INPP4A: variants seen among roughly 807,000 people sequenced by gnomAD.
The protein encoded by INPP4A is inositol polyphosphate-4-phosphatase type I A, also known as inositol polyphosphate-4-phosphatase, type I, 107kD.
In INPP4A, 33 loss-of-function variants were observed where a neutral mutation model predicts 119.8. The ratio of observed to expected loss-of-function variants is 0.28; its 90% CI spans 0.21 to 0.37. INPP4A has a LOEUF of 0.37. Ranked by LOEUF, INPP4A falls within the 10% of genes least tolerant of loss-of-function variation. INPP4A has a pLI of 1.00. For missense variants in INPP4A, 956 were observed against 1,289.9 expected (o/e 0.74, Z 3.97); for synonymous variants, 496 against 500.7 (o/e 0.99, Z 0.12).
intron 1 of INPP4A, among the ~76,000 whole-genome samples, chr2:98,459,033 G>T (rs1440264317): frequency 1.3e-5 from 2 of 152,254 alleles, no homozygotes; most frequent in African/African-American, 4.8e-5. Context: ...TTTGCCACCA[G>T]TGTGATTGGA....
chr2:98,570,159 C>T lies in INPP4A; in HGVS notation c.2518+1491C>T, dbSNP rs530441868. Among the ~76,000 whole-genome samples the T allele has an allele frequency of 7.2e-5, 11 of 152,098 alleles. No homozygotes were observed. The highest frequency in any genetic ancestry group is 1.2e-4 in the African/African-American group (5 of 41,416). On this transcript the variant is annotated intron_variant, in intron 22 of 24. Coordinates refer to ENST00000409851, the MANE Select transcript of INPP4A (RefSeq NM_001134225.2). The surrounding 1 kb of genome is among the most constrained non-coding windows in gnomAD (Gnocchi z 4.3). Reference sequence around the variant, plus strand: ...AGAGAGGCGCAGGGCTACAGGGGACCGACAGCGAGTGCAGCACTGGCCCCA... The same window carrying T: ...AGAGAGGCGCAGGGCTACAGGGGACTGACAGCGAGTGCAGCACTGGCCCCA...
At chr2:98,463,821 C>G (rs1226580888) in intron 1 of INPP4A, among the ~76,000 whole-genome samples, 1 of 152,166 alleles carries the variant, frequency 6.6e-6, no homozygotes, top group Non-Finnish European at 1.5e-5. Flanking sequence ...GCTGTTAGCC[C>G]TAGGGTCTGC....
intron 11 of INPP4A, among the ~76,000 whole-genome samples, chr2:98,544,897 G>A (rs568645948): frequency 6.6e-6 from 1 of 152,344 alleles, no homozygotes; most frequent in South Asian, 2.1e-4. Flanking sequence ...ATGTCACTAG[G>A]AGAAACGGCA....
chr2:98,546,669 C>T lies in INPP4A; in HGVS notation c.1138C>T (p.His380Tyr). 3.7e-6 allele frequency: 6 copies of T among 1,612,666 alleles called. No individual in the cohort carries two copies. Among genetic ancestry groups the T allele is most frequent in the Admixed American group, 1.7e-5 (1 of 60,030 alleles). Residue 380 changes from histidine (H) to tyrosine (Y), a missense_variant, in exon 13 of 25, where the codon CAC (histidine) becomes TAC (tyrosine). Around this residue, in one of 2 missense-constraint regions of INPP4A, gnomAD observed 652 missense variants for 797.9 expected, o/e 0.82. Coordinates refer to ENST00000409851, the MANE Select transcript of INPP4A (RefSeq NM_001134225.2). The surrounding 1 kb of genome is among the most constrained non-coding windows in gnomAD (Gnocchi z 4.2). ...FKSGGLRKKL[H>Y]KFEETKKHTS... ...GTCAGGAGGTCTCCGCAAAAAGCTG[C>T]ACAAATTTGAAGAGACCAAGAAACA...
At chr2:98,556,170 A>G (rs1575069134) in intron 16 of INPP4A, 3 of 237,310 alleles carry the variant, frequency 1.3e-5, no homozygotes, top group Non-Finnish European at 1.6e-5. Context: ...GTGATTGTCT[A>G]TGGCATTAGG....
chr2:98,491,194 G>A (rs13396642), intron 1 of INPP4A, among the ~76,000 whole-genome samples: 1,827 of 152,310 alleles, frequency 0.012, 34 homozygotes, highest in African/African-American at 0.042. Context: ...TTTTCACATC[G>A]TGGGTAGTAA....
intron 5 of INPP4A, among the ~76,000 whole-genome samples, chr2:98,535,483 G>GT (rs1690066156): frequency 6.6e-6 from 1 of 152,208 alleles, no homozygotes; most frequent in Non-Finnish European, 1.5e-5. Context: ...CACAGCTTGT[G>GT]TAATGGGCTG....
chr2:98,555,845 A>G (rs1300733121), intron 16 of INPP4A, 37 bp downstream of exon 16: 3 of 1,524,858 alleles, frequency 2.0e-6, no homozygotes, highest in Non-Finnish European at 2.7e-6. Flanking sequence ...TGCTGCCTCC[A>G]TTTCACCTTG....
chr2:98,552,733 C>T (rs1427108853), intron 13 of INPP4A, 53 bp from the exon 14 acceptor site: 3 of 1,418,406 alleles, frequency 2.1e-6, no homozygotes, highest in South Asian at 1.2e-5. Flanking sequence ...ATGATGCTGT[C>T]ATCCTTTTCA....
intron 1 of INPP4A, among the ~76,000 whole-genome samples, chr2:98,485,076 A>C (rs1360406099): frequency 1.3e-5 from 2 of 151,270 alleles, no homozygotes; most frequent in Non-Finnish European, 2.9e-5. Flanking sequence ...AGCTGAGTAA[A>C]CTCCAGCTCC....
At chr2:98,457,209 AAG>A (rs1696276085) in intron 1 of INPP4A, among the ~76,000 whole-genome samples, 2 of 152,198 alleles carry the variant, frequency 1.3e-5, no homozygotes, top group South Asian at 2.1e-4. Flanking sequence ...CTCTGGAGCA[AAG>A]AGAGTTTTAA....
chr2:98,553,576 TAC>T (rs145312166), intron 14 of INPP4A, among the ~76,000 whole-genome samples: 8 of 151,038 alleles, frequency 5.3e-5, no homozygotes, highest in Non-Finnish European at 8.9e-5. Flanking sequence ...CACGCTCTCA[TAC>T]ACACACACAC....
At chr2:98,582,436 T>C (rs1486839487) in intron 24 of INPP4A, among the ~76,000 whole-genome samples, 3 of 151,914 alleles carry the variant, frequency 2.0e-5, no homozygotes, top group African/African-American at 7.3e-5. Context: ...GATCACCTAC[T>C]GCATACGCCA....
At position 98,520,121 on chromosome 2, in the gene INPP4A, G is replaced by T. The variant is rs577655686; in HGVS notation, c.73G>T (p.Val25Leu). ...AATGCAGCGGGCTTCCACCATCGAC[G>T]TGGCGGCCGACATGCTGGGCCTCTC... ...RAMQRASTIDVAADMLGLSLA... is the reference protein window; with the variant it reads ...RAMQRASTIDLAADMLGLSLA... Residue 25 changes from valine (V) to leucine (L), a missense_variant, in exon 3 of 25, where the codon GTG becomes TTG. By Grantham distance (32) the Val-to-Leu change is conservative. This residue lies in a region of INPP4A where 652 missense variants were observed against 797.9 expected (regional missense o/e 0.82). Coordinates refer to ENST00000409851, the MANE Select transcript of INPP4A (RefSeq NM_001134225.2). 2 of 1,565,618 alleles carry T rather than the reference G, an allele frequency of 1.3e-6. No homozygotes were observed. Among genetic ancestry groups the T allele is most frequent in the Non-Finnish European group, 8.7e-7 (1 of 1,154,114 alleles).
chr2:98,540,839 A>G (rs923476078), intron 10 of INPP4A, among the ~76,000 whole-genome samples: 3 of 152,236 alleles, frequency 2.0e-5, no homozygotes, highest in African/African-American at 7.2e-5. Flanking sequence ...TGTGGCATTC[A>G]GGATGAAGTT....
chr2:98,454,259 T>G (rs1465222429), intron 1 of INPP4A, among the ~76,000 whole-genome samples: 1 of 152,258 alleles, frequency 6.6e-6, no homozygotes, highest in African/African-American at 2.4e-5. Context: ...GAATCCTCTG[T>G]GCCTTAACAC....
Position 98,572,417 on chromosome 2 carries a change from C to CA in INPP4A, c.2519-396dup, listed in dbSNP as rs143909370. 6.6e-4 allele frequency among the ~76,000 whole-genome samples: 101 copies of CA among 152,294 alleles called. 2 individuals carry two copies. The East Asian group carries it at 0.01, about 15-fold the overall frequency. ...CCCTCCCAAGGTTTCCAGGCCTGCTCAATGGCTCAGACCCACTGCCCCAGT... is the reference window on the plus strand; with the variant it reads ...CCCTCCCAAGGTTTCCAGGCCTGCTCAAATGGCTCAGACCCACTGCCCCAGT... On this transcript the variant is annotated intron_variant, in intron 22 of 24. Coordinates refer to ENST00000409851, the MANE Select transcript of INPP4A (RefSeq NM_001134225.2).
intron 18 of INPP4A, among the ~76,000 whole-genome samples, chr2:98,564,424 A>G (rs1413780780): frequency 1.3e-5 from 2 of 152,164 alleles, no homozygotes; most frequent in Admixed American, 6.5e-5. Flanking sequence ...AACCAAACCC[A>G]CTTGGTGAGC....
chr2:98,578,131 G>T (rs776814326), intron 24 of INPP4A, among the ~76,000 whole-genome samples: 21 of 152,108 alleles, frequency 1.4e-4, no homozygotes, highest in Non-Finnish European at 2.2e-4. Context: ...GTTAAAGCTC[G>T]CCATCCCTCT....
Sources: allele counts gnomAD v4.1 joint callset (sites outside exome capture counted in the v4.1 genomes callset), GRCh38; gene constraint gnomAD v4.1.1; regional missense constraint gnomAD v4.1.1; non-coding constraint Gnocchi (gnomAD v3.1); transcripts MANE v1.5; gene names NCBI Gene and HGNC (gene_info 2026-07-23, HGNC 2026-07-21).